ANKS1A: variants seen among roughly 807,000 people sequenced by gnomAD.
The protein encoded by ANKS1A is ankyrin repeat and SAM domain-containing protein 1A.
A neutral mutation model predicts 120.3 loss-of-function variants in ANKS1A; 55 were observed. The ratio of observed to expected loss-of-function variants is 0.46; its 90% CI spans 0.37 to 0.57. The LOEUF (loss-of-function observed/expected upper bound fraction) is 0.57. Among genes scored for constraint, ANKS1A ranks in the 20% least tolerant of loss-of-function variants. The probability of loss-of-function intolerance (pLI) is 0.00; values close to 1 mark genes in which losing one functional copy is unlikely to be tolerated. For synonymous variants in ANKS1A, 590 were observed against 604.7 expected, an observed-to-expected ratio of 0.98 and a Z score of 0.36; for missense variants, 1,123 against 1,480.3, an observed-to-expected ratio of 0.76 and a Z score of 3.96.
intron 17 of ANKS1A, among the ~76,000 whole-genome samples, chr6:35,081,598 G>A (rs958712127): frequency 4.6e-5 from 7 of 152,254 alleles, no homozygotes; most frequent in Non-Finnish European, 1.5e-5. Flanking sequence ...GCTTCACCTC[G>A]GCAGCATTCT....
At chr6:34,914,222 A>G (rs1245061273) in intron 1 of ANKS1A, among the ~76,000 whole-genome samples, 1 of 152,214 alleles carries the variant, frequency 6.6e-6, no homozygotes, top group Non-Finnish European at 1.5e-5. Flanking sequence ...TACCCAGCCA[A>G]TAGTTTTTGA....
At chr6:34,972,738 C>A (rs1771247755) in intron 3 of ANKS1A, 1 of 580,018 alleles carries the variant, frequency 1.7e-6, no homozygotes, top group South Asian at 7.6e-5. Context: ...CACTCAGGGT[C>A]CTCCTCATCA....
At chr6:35,001,325 C>T (rs185761096) in intron 10 of ANKS1A, among the ~76,000 whole-genome samples, 1 of 152,346 alleles carries the variant, frequency 6.6e-6, no homozygotes, top group East Asian at 1.9e-4. Flanking sequence ...TACCAAGATG[C>T]AAATGCCTGG....
At chr6:34,983,604 G>A (rs1318906647) in intron 7 of ANKS1A, among the ~76,000 whole-genome samples, 179 bp downstream of exon 7, 5 of 152,082 alleles carry the variant, frequency 3.3e-5, no homozygotes, top group Non-Finnish European at 7.4e-5. Context: ...CATAGTTTAT[G>A]CTTTTGACTG....
At position 35,046,544 on chromosome 6, in the gene ANKS1A, C is replaced by A. The variant is rs186265480; in HGVS notation, c.2011-7555C>A. On this transcript the variant is annotated intron_variant, in intron 11 of 23. Transcript: ENST00000360359. ...ACTTGAAAGACTTGAGTAGTGAATC[C>A]CTGAATATCCACCACGTAGGGCATG... 1.8e-4 allele frequency among the ~76,000 whole-genome samples: 28 copies of A among 152,224 alleles called. No individual in the cohort carries two copies. The East Asian group carries it at 5.4e-3, about 29-fold the overall frequency.
chr6:35,073,365 C>G (rs1777170381), intron 13 of ANKS1A, among the ~76,000 whole-genome samples: 2 of 152,234 alleles, frequency 1.3e-5, no homozygotes, highest in South Asian at 2.1e-4. Context: ...AGGGGCCATC[C>G]TGGCTCTGCC....
At chr6:35,073,768 C>CAAA (rs1777196394) in intron 13 of ANKS1A, among the ~76,000 whole-genome samples, 1 of 152,192 alleles carries the variant, frequency 6.6e-6, no homozygotes, top group Non-Finnish European at 1.5e-5. Context: ...AATCTCTTTT[C>CAAA]CCCCATGACC....
intron 1 of ANKS1A, among the ~76,000 whole-genome samples, chr6:34,896,393 C>G (rs1767085639): frequency 6.6e-6 from 1 of 152,030 alleles, no homozygotes; most frequent in Admixed American, 6.6e-5. Context: ...TAAAATACTC[C>G]CTTTAAGTGT....
At position 34,967,788 on chromosome 6, in the gene ANKS1A, GTCTT is replaced by G. The variant is rs1338484054; in HGVS notation, c.278+476_278+479del. Among the ~76,000 whole-genome samples, 7 of 152,152 alleles carry G rather than the reference GTCTT, an allele frequency of 4.6e-5. No homozygotes were observed. In the South Asian group the frequency reaches 1.5e-3, roughly 32 times the overall value. ...AGTTCAGTTCATTCAGCATTTCTGT[GTCTT>G]TCTTTCATGTATAATTTAAACATCC... is the stretch of plus-strand genomic sequence containing the variant. On this transcript the variant is annotated intron_variant, in intron 2 of 23. Coordinates refer to ENST00000360359, the MANE Select transcript of ANKS1A (RefSeq NM_015245.3).
At chr6:35,017,393 C>T in intron 10 of ANKS1A, 80 bp from the exon 11 acceptor site, 1 of 1,430,644 alleles carries the variant, frequency 7.0e-7, no homozygotes, top group South Asian at 1.4e-5. Flanking sequence ...TCTGCTTTGC[C>T]ATATGCTTGC....
At chr6:35,021,471 G>A (rs1774337520) in intron 11 of ANKS1A, among the ~76,000 whole-genome samples, 1 of 152,220 alleles carries the variant, frequency 6.6e-6, no homozygotes, top group Non-Finnish European at 1.5e-5. Context: ...TCGGTGCATG[G>A]ACTACCTCAG....
chr6:34,985,909 C>A (rs565897507), intron 8 of ANKS1A, among the ~76,000 whole-genome samples: 6 of 152,328 alleles, frequency 3.9e-5, no homozygotes, highest in Non-Finnish European at 8.8e-5. Flanking sequence ...GTTTCTTTCT[C>A]TAGTACAGAT....
At chr6:34,917,324 T>C (rs967106679) in intron 1 of ANKS1A, among the ~76,000 whole-genome samples, 3 of 152,210 alleles carry the variant, frequency 2.0e-5, no homozygotes, top group African/African-American at 7.2e-5. Flanking sequence ...TCTCTTCCTG[T>C]GTAGTTTGTG....
chr6:34,907,106 C>T (rs918961068), intron 1 of ANKS1A, among the ~76,000 whole-genome samples: 1 of 152,122 alleles, frequency 6.6e-6, no homozygotes, highest in African/African-American at 2.4e-5. Context: ...GAAGAACATT[C>T]TACAAAATAC....
At chr6:34,991,174 A>T (rs192371371) in intron 9 of ANKS1A, among the ~76,000 whole-genome samples, 21 of 152,184 alleles carry the variant, frequency 1.4e-4, no homozygotes, top group African/African-American at 2.2e-4. Context: ...TCATTGTCAG[A>T]TGACTCATAG....
At chr6:34,932,213 C>T (rs538338562) in intron 1 of ANKS1A, among the ~76,000 whole-genome samples, 2 of 152,324 alleles carry the variant, frequency 1.3e-5, no homozygotes, top group South Asian at 4.1e-4. Flanking sequence ...GAGATGGAGT[C>T]TGGCTCTGTT....
At chr6:35,004,723 T>C (rs1215763955) in intron 10 of ANKS1A, among the ~76,000 whole-genome samples, 2 of 152,108 alleles carry the variant, frequency 1.3e-5, no homozygotes, top group African/African-American at 4.8e-5. Flanking sequence ...AAGACCAACC[T>C]GGCAACATAG....
At chr6:34,939,636 C>G (rs1024056804) in intron 1 of ANKS1A, among the ~76,000 whole-genome samples, 8 of 151,956 alleles carry the variant, frequency 5.3e-5, no homozygotes, top group African/African-American at 1.9e-4. Flanking sequence ...TTGCTTGAGC[C>G]CAGGAGTTCC....
At chr6:35,005,743 A>C in intron 10 of ANKS1A, 1 of 451,264 alleles carries the variant, frequency 2.2e-6, no homozygotes, top group Non-Finnish European at 4.4e-6. Context: ...AAACCGCTAC[A>C]TATGAAGATG....
Sources: allele counts gnomAD v4.1 joint callset (sites outside exome capture counted in the v4.1 genomes callset), GRCh38; gene constraint gnomAD v4.1.1; transcripts MANE v1.5; gene names NCBI Gene and HGNC (gene_info 2026-07-23, HGNC 2026-07-21).